Variants in SFMBT2 observed in about 807,000 individuals in gnomAD.
SFMBT2 encodes scm-like with four MBT domains protein 2.
SFMBT2 carries 38 observed loss-of-function variants against 110.1 expected under a neutral mutation model. That is an observed-to-expected ratio of 0.35 (90% CI 0.27 to 0.45). SFMBT2 has a LOEUF of 0.45. Among genes scored for constraint, SFMBT2 ranks in the 20% least tolerant of loss-of-function variants. The pLI, the probability that SFMBT2 is intolerant of heterozygous loss-of-function variation, is 1.00. For missense variants in SFMBT2, 1,011 were observed against 1,094.9 expected (o/e 0.92, Z 1.08); for synonymous variants, 425 against 425.4 (o/e 1.00, Z 0.01).
At chr10:7,378,589 TATGGCTGTGGG>T (rs1845335381) in intron 2 of SFMBT2, among the ~76,000 whole-genome samples, 1 of 134,310 alleles carries the variant, frequency 7.4e-6, no homozygotes. Flanking sequence ...TGTGTGTGTG[TATGGCTGTGGG>T]GTGGGTGTGA....
chr10:7,398,093 G>A (rs1180150421), intron 1 of SFMBT2, among the ~76,000 whole-genome samples: 1 of 152,146 alleles, frequency 6.6e-6, no homozygotes, highest in Non-Finnish European at 1.5e-5. Context: ...TTGCTGCCCT[G>A]GCATAAGAAA....
intron 4 of SFMBT2, among the ~76,000 whole-genome samples, chr10:7,344,828 G>A (rs553568384): frequency 2.6e-5 from 4 of 151,850 alleles, no homozygotes; most frequent in East Asian, 1.9e-4. Context: ...GCACAGTGGC[G>A]GGTGCCTGTA....
chr10:7,209,311 C>T (rs1444092749), intron 11 of SFMBT2, among the ~76,000 whole-genome samples: 2 of 152,248 alleles, frequency 1.3e-5, no homozygotes, highest in Non-Finnish European at 2.9e-5. Flanking sequence ...TGACACATTG[C>T]TTCTCGGCCT....
At chr10:7,409,099 A>G (rs1439652190) in intron 1 of SFMBT2, among the ~76,000 whole-genome samples, 6 of 74,366 alleles carry the variant, frequency 8.1e-5, no homozygotes, top group Admixed American at 6.0e-4. Flanking sequence ...CCCCACCACC[A>G]CCACCACCAC....
chr10:7,174,780 G>A (rs1016361706), intron 17 of SFMBT2, among the ~76,000 whole-genome samples: 1 of 152,202 alleles, frequency 6.6e-6, no homozygotes, highest in Non-Finnish European at 1.5e-5. Context: ...CTGGAAAAAG[G>A]TGCAGTGATG....
chr10:7,371,910 T>C (rs1472368711), intron 2 of SFMBT2, among the ~76,000 whole-genome samples: 2 of 141,386 alleles, frequency 1.4e-5, no homozygotes, highest in East Asian at 2.2e-4. Context: ...CTACTTTTTG[T>C]CCACCTGTAA....
chr10:7,200,371 CA>C, intron 14 of SFMBT2, 42 bp downstream of exon 14: 1 of 1,470,780 alleles, frequency 6.8e-7, no homozygotes, highest in Non-Finnish European at 9.2e-7. Context: ...CTCCCGGCTG[CA>C]CGGTGGGAAG....
chr10:7,276,524 T>C (rs1383650787), intron 7 of SFMBT2, among the ~76,000 whole-genome samples: 2 of 152,086 alleles, frequency 1.3e-5, no homozygotes, highest in Non-Finnish European at 2.9e-5. Flanking sequence ...AAGGATTTGG[T>C]ATGGAAAACT....
At chr10:7,177,868 A>AAG (rs1838122935) in intron 16 of SFMBT2, among the ~76,000 whole-genome samples, 1 of 151,122 alleles carries the variant, frequency 6.6e-6, no homozygotes, top group Non-Finnish European at 1.5e-5. Context: ...TTAAAAAAAA[A>AAG]AAGAAGAAGA....
intron 4 of SFMBT2, among the ~76,000 whole-genome samples, chr10:7,313,867 T>C (rs1204999324): frequency 1.3e-5 from 2 of 152,214 alleles, no homozygotes; most frequent in Non-Finnish European, 2.9e-5. Context: ...AAATTTCTAA[T>C]GTAAAATACC....
chr10:7,297,473 G>T (rs763745792), intron 4 of SFMBT2, among the ~76,000 whole-genome samples: 1 of 152,138 alleles, frequency 6.6e-6, no homozygotes, highest in Non-Finnish European at 1.5e-5. Context: ...TCAGCACAGG[G>T]CTGGGCAGGG....
At chr10:7,215,464 G>C in intron 11 of SFMBT2, 1 of 771,536 alleles carries the variant, frequency 1.3e-6, no homozygotes, top group Non-Finnish European at 1.6e-6. Context: ...ACCTGTTTTA[G>C]GGGATCTCCA....
chr10:7,402,905 G>A (rs1846117298), intron 1 of SFMBT2, among the ~76,000 whole-genome samples: 1 of 152,192 alleles, frequency 6.6e-6, no homozygotes, highest in Non-Finnish European at 1.5e-5. Context: ...TCTTCCCCCA[G>A]CTTTCGATAG....
chr10:7,187,174 G>T (rs1838442546), intron 16 of SFMBT2, among the ~76,000 whole-genome samples: 2 of 152,158 alleles, frequency 1.3e-5, no homozygotes, highest in African/African-American at 4.8e-5. Flanking sequence ...AGGTTTTAAT[G>T]GGAGCTAAGA....
intron 7 of SFMBT2, among the ~76,000 whole-genome samples, chr10:7,263,246 T>A (rs933669679): frequency 2.6e-5 from 4 of 152,050 alleles, no homozygotes; most frequent in Non-Finnish European, 4.4e-5. Flanking sequence ...TCTTTTCTTT[T>A]CTTTTCTTTT....
chr10:7,276,381 C>T (rs1178729967), intron 7 of SFMBT2, among the ~76,000 whole-genome samples: 1 of 152,058 alleles, frequency 6.6e-6, no homozygotes, highest in African/African-American at 2.4e-5. Flanking sequence ...GTCAGTAAAC[C>T]TAAACAATTT....
intron 9 of SFMBT2, among the ~76,000 whole-genome samples, chr10:7,233,226 G>T (rs906820964): frequency 6.6e-6 from 1 of 152,176 alleles, no homozygotes; most frequent in Admixed American, 6.5e-5. Flanking sequence ...GGAAGCAGGC[G>T]TTTTTATGTG....
Position 7,271,501 on chromosome 10 carries a change from T to C in SFMBT2, c.870+5391A>G, listed in dbSNP as rs114520730. ...ATTATACAAGGAGCTGCACAAATGATTAAGCATAACTGTGACAGAACAAGC... is the reference window on the plus strand; with the variant it reads ...ATTATACAAGGAGCTGCACAAATGACTAAGCATAACTGTGACAGAACAAGC... On this transcript the variant is annotated intron_variant, in intron 7 of 20. Transcript: ENST00000397167. Among the ~76,000 whole-genome samples the C allele has an allele frequency of 8.2e-3, 1,243 of 152,156 alleles. 12 individuals are homozygous for C. Among genetic ancestry groups the C allele is most frequent in the African/African-American group, 0.028 (1,162 of 41,514 alleles).
chr10:7,271,360 T>C (rs879335837), intron 7 of SFMBT2, among the ~76,000 whole-genome samples: 8 of 152,056 alleles, frequency 5.3e-5, no homozygotes, highest in African/African-American at 1.9e-4. Context: ...ACGCATTTAT[T>C]GGACAGGTAT....
Sources: gnomAD v4.1 joint callset for allele counts (sites outside exome capture counted in the v4.1 genomes callset) on GRCh38, gnomAD v4.1.1 for gene constraint, MANE v1.5 for transcripts, NCBI Gene and HGNC (gene_info 2026-07-23, HGNC 2026-07-21) for gene names.